The following KRT15 variants were observed in gnomAD, a reference collection of about 807,000 sequenced individuals.
KRT15 encodes the protein keratin 15.
KRT15 carries 45 observed loss-of-function variants against 46.6 expected under a neutral mutation model. The observed-to-expected ratio is 0.97, with a 90% CI of 0.76 to 1.24. The LOEUF (loss-of-function observed/expected upper bound fraction) is 1.24, where lower values mean the gene tolerates loss of function less well. Among genes scored for constraint, KRT15 ranks in the 50% most tolerant of loss-of-function variants. The pLI, the probability that KRT15 is intolerant of heterozygous loss-of-function variation, is 0.00. For missense variants in KRT15, 592 were observed against 588.9 expected, an observed-to-expected ratio of 1.01 and a Z score of -0.05; for synonymous variants, 221 against 233.8, an observed-to-expected ratio of 0.95 and a Z score of 0.50.
intron 1 of KRT15, chr17:41,517,708 G>C (rs1905453635): frequency 6.0e-6 from 1 of 167,294 alleles, no homozygotes; most frequent in African/African-American, 2.4e-5. Context: ...TGAGTTCCCA[G>C]GTCTCCTAAG....
chr17:41,515,626 G>C lies in KRT15; in HGVS notation c.1093C>G (p.Gln365Glu). ...CRYATQLQQI[Q>E]GLIGGLEAQL... ...GCCTCCAGGCCACCAATGAGCCCCT[G>C]GATCTGCTGCAGCTGCGTGGCATAG... Residue 365 changes from glutamine to glutamate, a missense_variant, in exon 6 of 8, where the codon CAG becomes GAG. Gln to Glu is a conservative substitution (Grantham distance 29). Transcript: ENST00000254043. 1.2e-6 allele frequency: 2 copies of C among 1,614,180 alleles called. No homozygotes were observed. Among genetic ancestry groups the C allele is most frequent in the Non-Finnish European group, 1.7e-6 (2 of 1,180,038 alleles).
chr17:41,514,375 G>A (rs1905260765), intron 7 of KRT15: 1 of 598,122 alleles, frequency 1.7e-6, no homozygotes, highest in Admixed American at 2.9e-5. Context: ...ATGAATTGTG[G>A]GCATCTTAGC....
At position 41,513,868 on chromosome 17, in the gene KRT15, G is replaced by A. The variant is rs951035999; in HGVS notation, c.*155C>T. Reference sequence around the variant, plus strand: ...TGGGGAGAGGCAGAGGGGGAATAGAGCGCATGCAAAGCCCTGAAATAAAAG... The same window carrying A: ...TGGGGAGAGGCAGAGGGGGAATAGAACGCATGCAAAGCCCTGAAATAAAAG... On this transcript the variant is annotated 3_prime_UTR_variant, in exon 8 of 8. Transcript: ENST00000254043. 2 of 661,894 alleles carry A rather than the reference G, an allele frequency of 3.0e-6. No individual in the cohort carries two copies. The highest frequency in any genetic ancestry group is 3.9e-4 in the Middle Eastern group (1 of 2,540). 41.0% of individuals were successfully genotyped at this position (661,894 alleles called of 1,614,324 possible).
intron 7 of KRT15, 88 bp from the exon 8 acceptor site, chr17:41,514,208 T>A: frequency 2.0e-6 from 2 of 976,214 alleles, no homozygotes; most frequent in Non-Finnish European, 3.3e-6. Context: ...CTGGGAAAAC[T>A]AGACAGCACC....
At chr17:41,518,217 A>G in intron 1 of KRT15, 113 bp downstream of exon 1, 2 of 1,256,468 alleles carry the variant, frequency 1.6e-6, no homozygotes, top group Non-Finnish European at 2.2e-6. Context: ...CATACCAGAC[A>G]GTCATTGCCT....
In KRT15 at chr17:41,516,853, C is replaced by T. The variant is rs921570648; in HGVS notation, c.693G>A (p.Glu231=). 2 of 1,614,236 alleles carry T rather than the reference C, an allele frequency of 1.2e-6. No individual in the cohort carries two copies. The highest frequency in any genetic ancestry group is 1.3e-5 in the African/African-American group (1 of 75,064). The change falls in exon 3 of 8, where the codon GAG becomes GAA. Residue 231 remains glutamate (E), a synonymous_variant. Coordinates refer to ENST00000254043, the MANE Select transcript of KRT15 (RefSeq NM_002275.4). ...GGTAGGCTAGCTCCTCATTCAGGCC[C>T]TCGATCTGCATCTCCAGGTCAGTCC... The part of the protein sequence containing the change: ...LARTDLEMQI[E]GLNEELAYLK...
In KRT15 at chr17:41,516,234, C is replaced by T. The variant is rs1177643181; in HGVS notation, c.770G>A (p.Gly257Asp). 1 of 1,613,920 alleles carries T rather than the reference C, an allele frequency of 6.2e-7. No homozygotes were observed. The highest frequency in any genetic ancestry group is 8.5e-7 in the Non-Finnish European group (1 of 1,179,958). Residue 257 changes from glycine to aspartate, a missense_variant, in exon 4 of 8, where the codon GGC becomes GAC. Coordinates refer to ENST00000254043, the MANE Select transcript of KRT15 (RefSeq NM_002275.4). Reference sequence around the variant, plus strand: ...TGCGTCCATCTCCACATTGACCTGGCCGGCCAGCTGGCTGCTGAACTCCTT... The same window carrying T: ...TGCGTCCATCTCCACATTGACCTGGTCGGCCAGCTGGCTGCTGAACTCCTT... The part of the protein sequence containing the change: ...EMKEFSSQLA[G>D]QVNVEMDAAP...
chr17:41,515,686 C>T lies in KRT15; in HGVS notation c.1033G>A (p.Gly345Arg). ...ELQSQLSMKAGLENSLAETEC... is the reference protein window; with the variant it reads ...ELQSQLSMKARLENSLAETEC... ...GTCTCGGCCAGTGAGTTCTCCAGCCCAGCTTTCTGGGGGAGTGACAGATGC... is the reference window on the plus strand; with the variant it reads ...GTCTCGGCCAGTGAGTTCTCCAGCCTAGCTTTCTGGGGGAGTGACAGATGC... Residue 345 changes from glycine (G) to arginine (R), a missense_variant, in exon 6 of 8, where the codon GGG becomes AGG. Transcript: ENST00000254043. 3 of 1,613,632 alleles carry T rather than the reference C, an allele frequency of 1.9e-6. No homozygotes were observed. Among genetic ancestry groups the T allele is most frequent in the Non-Finnish European group, 2.5e-6 (3 of 1,179,660 alleles).
rs1319891155 is a variant in KRT15, at chr17:41,517,406, C to A, written c.499-241G>T. 7.5e-6 allele frequency: 4 copies of A among 534,192 alleles called. No individual in the cohort carries two copies. The Admixed American group carries it at 1.3e-4, about 17-fold the overall frequency. The allele number at this position is 534,192 out of a possible 1,614,324, so 33.1% of individuals were successfully genotyped here. A position where few individuals can be genotyped will look rare whatever the true frequency, so the allele number is the denominator to read the frequency against. On this transcript the variant is annotated intron_variant, in intron 1 of 7. Coordinates refer to ENST00000254043, the MANE Select transcript of KRT15 (RefSeq NM_002275.4). ...ACACCTGAGGAGCTGCCTTCCTTATCTCCAGGGCACGAAAGACCAAGGAGG... is the reference window on the plus strand; with the variant it reads ...ACACCTGAGGAGCTGCCTTCCTTATATCCAGGGCACGAAAGACCAAGGAGG...
chr17:41,518,070 G>T (rs756915558), intron 1 of KRT15, among the ~76,000 whole-genome samples: 8 of 151,776 alleles, frequency 5.3e-5, no homozygotes, highest in Non-Finnish European at 1.0e-4. Flanking sequence ...CTTTATAATT[G>T]CCCCCACCTG....
rs1013273518 is a variant in KRT15, at chr17:41,515,267, A to C, written c.1247+205T>G. The C allele has an allele frequency of 1.2e-5, 7 of 588,388 alleles. No homozygotes were observed. The Admixed American group carries it at 1.8e-4, about 15-fold the overall frequency. The allele number at this position is 588,388 out of a possible 1,614,324, so 36.4% of individuals were successfully genotyped here. On this transcript the variant is annotated intron_variant, in intron 6 of 7. Transcript: ENST00000254043. ...CCCAGCCTCTATCATTTACAGAAGA[A>C]ACACGGATCCAGAGAGAGGAAGTGA...
In KRT15 at chr17:41,516,198, A is replaced by G; in HGVS notation, c.806T>C (p.Val269Ala). The G allele has an allele frequency of 6.2e-7, 1 of 1,614,078 alleles. No homozygotes were observed. Among genetic ancestry groups the G allele is most frequent in the Non-Finnish European group, 8.5e-7 (1 of 1,179,998 alleles). The change falls in exon 4 of 8, where the codon GTG becomes GCG. Residue 269 changes from valine (V) to alanine (A), a missense_variant. Val to Ala is a moderately conservative substitution (Grantham distance 64). Coordinates refer to ENST00000254043, the MANE Select transcript of KRT15 (RefSeq NM_002275.4). ...VNVEMDAAPG[V>A]DLTRVLAEMR... is the part of the protein sequence containing the mutation. ...CTCTGCCAGCACACGGGTCAGGTCC[A>G]CACCCGGTGCTGCGTCCATCTCCAC...
Position 41,516,947 on chromosome 17 carries a change from GC to G in KRT15, c.598del (p.Ala200ProfsTer20), listed in dbSNP as rs1265330779. The G allele has an allele frequency of 6.2e-7, 1 of 1,614,252 alleles. No individual in the cohort carries two copies. The highest frequency in any genetic ancestry group is 1.1e-5 in the South Asian group (1 of 91,090). ...GTCAGCCTCAACGCCCTGGCGCAGG[GC>G]CAGCTCATTCTCATACCTGAGGAGA... ...DFRLKYENEL[A>X]LRQGVEADIN... On this transcript the variant is annotated frameshift_variant, in exon 3 of 8. Transcript: ENST00000254043. LOFTEE classifies it high-confidence loss of function.
rs767106010 is a variant in KRT15, at chr17:41,517,093, AGTC to A, written c.568_570del (p.Asp190del). The A allele has an allele frequency of 3.1e-6, 5 of 1,614,182 alleles. No homozygotes were observed. Among genetic ancestry groups the A allele is most frequent in the Non-Finnish European group, 4.2e-6 (5 of 1,180,032 alleles). ...GACGGGGGAGCGCACTTGAGCCTGA[AGTC>A]GTCCGCAGCCAGCCTGGCATTGTCG... is the stretch of plus-strand genomic sequence containing the variant. On this transcript the variant is annotated inframe_deletion, in exon 2 of 8. Coordinates refer to ENST00000254043, the MANE Select transcript of KRT15 (RefSeq NM_002275.4).
Position 41,518,653 on chromosome 17 carries a change from C to A in KRT15, c.175G>T (p.Gly59Ter), listed in dbSNP as rs762594315. 1.2e-6 allele frequency: 2 copies of A among 1,613,388 alleles called. No individual in the cohort carries two copies. The highest frequency in any genetic ancestry group is 2.2e-5 in the East Asian group (1 of 44,888). Residue 59 changes from glycine to a stop codon, truncating the protein, a stop_gained, in exon 1 of 8, where the codon GGA becomes TGA. Coordinates refer to ENST00000254043, the MANE Select transcript of KRT15 (RefSeq NM_002275.4). LOFTEE classifies it high-confidence loss of function. The stretch of plus-strand genomic sequence containing the variant: ...CAGACCCTCATGCCACCCCCATATC[C>A]TCCTCCTGACCCTGAAGAGACAAAC... Reference protein sequence around the residue: ...ARFVSSGSGGGYGGGMRVCGF... With the variant: ...ARFVSSGSGG
Position 41,518,442 on chromosome 17 carries a change from G to A in KRT15, c.386C>T (p.Ala129Val). ...GATCTTCACCTCCAGGTCAGCATTG[G>A]CCTCCTCCAGGGCACGTACCTTGTC... is the stretch of plus-strand genomic sequence containing the variant. ...YLDKVRALEE[A>V]NADLEVKIHD... Residue 129 changes from alanine to valine, a missense_variant, in exon 1 of 8, where the codon GCC (alanine) becomes GTC (valine). Physicochemically the swap from Ala to Val is moderately conservative, Grantham distance 64. Transcript: ENST00000254043. The A allele has an allele frequency of 6.2e-7, 1 of 1,614,014 alleles. No homozygotes were observed. The highest frequency in any genetic ancestry group is 8.5e-7 in the Non-Finnish European group (1 of 1,180,000).
chr17:41,517,160 CATG>C lies in KRT15; in HGVS notation c.501_503del (p.Ile167del), dbSNP rs780511072. 4.9e-5 allele frequency: 79 copies of C among 1,613,896 alleles called. No individual in the cohort carries two copies. The highest frequency in any genetic ancestry group is 6.2e-5 in the Non-Finnish European group (73 of 1,179,982). On this transcript the variant is annotated inframe_deletion and splice_region_variant, in exon 2 of 8. Coordinates refer to ENST00000254043, the MANE Select transcript of KRT15 (RefSeq NM_002275.4). ...CCCGGGAGTTGTCGATGGTGGTGGC[CATG>C]ATCTGCAGGAGACAGAGTCGGTGTC...
chr17:41,517,797 A>G (rs143313086), intron 1 of KRT15, among the ~76,000 whole-genome samples: 158 of 152,360 alleles, frequency 1.0e-3, no homozygotes, highest in African/African-American at 3.6e-3. Flanking sequence ...TCATGAGGCC[A>G]CACTCCAATC....
At position 41,514,338 on chromosome 17, in the gene KRT15, G is replaced by A. The variant is rs929456672; in HGVS notation, c.1274-218C>T. On this transcript the variant is annotated intron_variant, in intron 7 of 7. Transcript: ENST00000254043. ...GCCCGGCAGGGAGCAACAATGTCAG[G>A]GTTTTTCAAGCTGCACATGAAGGGG... The A allele has an allele frequency of 8.3e-6, 5 of 601,488 alleles. No individual in the cohort carries two copies. In the African/African-American group the frequency reaches 9.3e-5, roughly 11 times the overall value. The allele number at this position is 601,488 out of a possible 1,614,324, so 37.3% of individuals were successfully genotyped here. A position where few individuals can be genotyped will look rare whatever the true frequency, so the allele number is the denominator to read the frequency against.
Sources: gnomAD v4.1 joint callset for allele counts (sites outside exome capture counted in the v4.1 genomes callset) on GRCh38, gnomAD v4.1.1 for gene constraint, MANE v1.5 for transcripts, NCBI Gene and HGNC (gene_info 2026-07-23, HGNC 2026-07-21) for gene names.